FGF13: variants seen among roughly 807,000 people sequenced by gnomAD.
FGF13 encodes fibroblast growth factor 13.
In FGF13, 2 loss-of-function variants were observed where a neutral mutation model predicts 19.5. The ratio of observed to expected loss-of-function variants is 0.10; its 90% CI spans 0.04 to 0.32. The LOEUF (loss-of-function observed/expected upper bound fraction) is 0.32, where lower values mean the gene tolerates loss of function less well. Ranked by LOEUF, FGF13 falls within the 10% of genes least tolerant of loss-of-function variation. FGF13 has a pLI of 1.00. For synonymous variants in FGF13, 72 were observed against 76.9 expected, an observed-to-expected ratio of 0.94 and a Z score of 0.33; for missense variants, 113 against 192.7, an observed-to-expected ratio of 0.59 and a Z score of 2.45.
At chrX:138,798,789 C>G (rs2123992959) in intron 3 of FGF13, among the ~76,000 whole-genome samples, 1 of 111,980 alleles carries the variant, frequency 8.9e-6, no homozygotes, top group African/African-American at 3.2e-5. Context: ...CTGGTTTAGT[C>G]TTGGGAGGGT....
intron 1 of FGF13, among the ~76,000 whole-genome samples, chrX:139,186,628 C>G (rs2084285489): frequency 1.8e-5 from 2 of 111,803 alleles, no homozygotes; most frequent in Non-Finnish European, 3.8e-5. Flanking sequence ...ACCTCAATGC[C>G]TTTGTGTGCC....
chrX:138,945,479 C>G (rs2091777503), intron 1 of FGF13, among the ~76,000 whole-genome samples: 1 of 111,564 alleles, frequency 9.0e-6, no homozygotes, highest in Non-Finnish European at 1.9e-5. Context: ...GTTCGGCACT[C>G]CTGCCTGCTC....
At chrX:138,781,761 C>A (rs2090645231) in intron 3 of FGF13, among the ~76,000 whole-genome samples, 1 of 111,784 alleles carries the variant, frequency 8.9e-6, no homozygotes, top group East Asian at 2.8e-4. Context: ...CCTTCTGAAA[C>A]TATTCCAATC....
At chrX:138,766,402 G>A (rs755798766) in intron 3 of FGF13, among the ~76,000 whole-genome samples, 6 of 112,006 alleles carry the variant, frequency 5.4e-5, no homozygotes, top group East Asian at 5.7e-4. Context: ...CACAGTGGTC[G>A]TTCCACTAAT....
intron 1 of FGF13, among the ~76,000 whole-genome samples, chrX:138,925,171 A>G (rs144896154): frequency 8.9e-6 from 1 of 112,007 alleles, no homozygotes; most frequent in East Asian, 2.8e-4. Flanking sequence ...TTAATTACAC[A>G]TCTATTGTCT....
intron 1 of FGF13, among the ~76,000 whole-genome samples, chrX:138,888,355 T>C (rs17001812): frequency 0.04 from 4,480 of 111,661 alleles, 229 homozygotes; most frequent in African/African-American, 0.14. Context: ...TGTTTCATTA[T>C]GATCCCAAGA....
At chrX:138,738,658 C>T (rs1032294067) in intron 1 of FGF13, among the ~76,000 whole-genome samples, 1 of 111,697 alleles carries the variant, frequency 9.0e-6, no homozygotes, top group Non-Finnish European at 1.9e-5. Context: ...CTCCTAGTTT[C>T]GCTGAGACAT....
intron 1 of FGF13, among the ~76,000 whole-genome samples, chrX:138,974,212 G>A (rs187149400): frequency 9.0e-5 from 10 of 111,629 alleles, no homozygotes; most frequent in African/African-American, 2.9e-4. Flanking sequence ...AGGGGTCAGA[G>A]GCCAGGAGTC....
At chrX:138,835,179 C>T (rs923359270) in intron 3 of FGF13, among the ~76,000 whole-genome samples, 4 of 111,336 alleles carry the variant, frequency 3.6e-5, no homozygotes, top group Non-Finnish European at 7.5e-5. Context: ...TCCATTTGAT[C>T]CAGTGATGAT....
At chrX:139,144,478 AC>A (rs2083871290) in intron 1 of FGF13, among the ~76,000 whole-genome samples, 1 of 110,326 alleles carries the variant, frequency 9.1e-6, no homozygotes, top group Non-Finnish European at 1.9e-5. Flanking sequence ...TCTCCAGAAG[AC>A]CCCCCTGACA....
At chrX:138,857,465 G>GA, downstream of FGF13, 2 of 1,129,095 alleles carry the variant, frequency 1.8e-6, no homozygotes, top group Non-Finnish European at 1.2e-6. Flanking sequence ...GAGAAAGAAA[G>GA]AAGAATGAGA....
At chrX:139,149,106 A>G (rs749142946) in intron 1 of FGF13, among the ~76,000 whole-genome samples, 3 of 111,933 alleles carry the variant, frequency 2.7e-5, no homozygotes, top group Non-Finnish European at 5.6e-5. Flanking sequence ...GATTTGGTGA[A>G]GTATTTACAC....
intron 3 of FGF13, among the ~76,000 whole-genome samples, chrX:138,782,608 G>T (rs1159917916): frequency 1.0e-5 from 1 of 98,058 alleles, no homozygotes; most frequent in Non-Finnish European, 2.0e-5. Flanking sequence ...ACTTACAAGG[G>T]ATGTGAAGGA....
rs763924777 is a variant in FGF13, at chrX:138,632,824, C to T, written c.*26G>A. The T allele has an allele frequency of 8.3e-7, 1 of 1,199,561 alleles. No individual in the cohort carries two copies. Among genetic ancestry groups the T allele is most frequent in the South Asian group, 1.8e-5 (1 of 55,459 alleles). ...AGCACCTGGAGGTAAGGTTCTGTTACAGAGCCCTTCTTTTGCCCTCACTGG... is the reference window on the plus strand; with the variant it reads ...AGCACCTGGAGGTAAGGTTCTGTTATAGAGCCCTTCTTTTGCCCTCACTGG... On this transcript the variant is annotated 3_prime_UTR_variant, in exon 5 of 5. Transcript: ENST00000315930.
At chrX:138,785,375 T>G (rs2090684139) in intron 3 of FGF13, among the ~76,000 whole-genome samples, 1 of 111,900 alleles carries the variant, frequency 8.9e-6, no homozygotes, top group Non-Finnish European at 1.9e-5. Context: ...CTCTGTCCCC[T>G]TTCACAACCA....
intron 1 of FGF13, among the ~76,000 whole-genome samples, chrX:139,140,927 T>C (rs2083838305): frequency 9.0e-6 from 1 of 110,520 alleles, no homozygotes; most frequent in Admixed American, 9.7e-5. Context: ...CTAAGGGCCT[T>C]GTGTCTGCTC....
chrX:138,813,370 T>C (rs947295515), intron 3 of FGF13, among the ~76,000 whole-genome samples: 70 of 111,762 alleles, frequency 6.3e-4, no homozygotes, highest in African/African-American at 2.2e-3. Flanking sequence ...TCTGCTTTTG[T>C]TGTTGCTCTA....
At chrX:138,924,669 G>T (rs747642547) in intron 1 of FGF13, among the ~76,000 whole-genome samples, 33 of 110,471 alleles carry the variant, frequency 3.0e-4, no homozygotes, top group Non-Finnish European at 5.7e-4. Context: ...CAAGGGGTTG[G>T]GGTGCAGAAT....
At position 138,710,878 on chromosome X, in the gene FGF13, C is replaced by T. The variant is rs1408634259; in HGVS notation, c.126G>A (p.Lys42=). The change falls in exon 1 of 5, where the codon AAG becomes AAA. Residue 42 remains lysine, a synonymous_variant. Transcript: ENST00000315930. The part of the protein sequence containing the change: ...SKGKTSCDKN[K]LNVFSRVKLF... ...GTTTGACCCGGGAAAAGACATTTAA[C>T]TTGTTTTTGTCGCAGCTGGTCTTGC... The T allele has an allele frequency of 1.6e-6, 2 of 1,212,427 alleles. No homozygotes were observed. Among genetic ancestry groups the T allele is most frequent in the South Asian group, 3.5e-5 (2 of 57,041 alleles).
Sources: allele counts gnomAD v4.1 joint callset (sites outside exome capture counted in the v4.1 genomes callset), GRCh38; gene constraint gnomAD v4.1.1; transcripts MANE v1.5; gene names NCBI Gene and HGNC (gene_info 2026-07-23, HGNC 2026-07-21).